The following SERPINB4 variants were observed in gnomAD, a reference collection of about 807,000 sequenced individuals.
SERPINB4 encodes the protein serpin family B member 4, also known as serpin B4.
SERPINB4 carries 39 observed loss-of-function variants against 33.2 expected under a neutral mutation model. The observed-to-expected ratio is 1.18, with a 90% CI of 0.91 to 1.53. The LOEUF is 1.53. SERPINB4 is among the 40% of genes most tolerant of loss of function. SERPINB4 has a pLI of 0.00. For missense variants in SERPINB4, 564 were observed against 455.4 expected, an observed-to-expected ratio of 1.24 and a Z score of -2.17; for synonymous variants, 191 against 166.4, an observed-to-expected ratio of 1.15 and a Z score of -1.14.
intron 7 of SERPINB4, among the ~76,000 whole-genome samples, chr18:63,638,674 C>T (rs1913021097): frequency 3.3e-5 from 5 of 151,668 alleles, no homozygotes; most frequent in Middle Eastern, 6.8e-3. Context: ...ATAATATCAT[C>T]AAATTGATAT....
chr18:63,638,118 T>C lies in SERPINB4; in HGVS notation c.774A>G (p.Glu258=). The part of the protein sequence containing the change: ...PNEIDGLQKL[E]EKLTAEKLME... ...TCAATTTCTCAGCAGTGAGTTTCTC[T>C]TCAAGCTATACAAATGGAAAAAAGA... The change falls in exon 8 of 8, where the codon GAA becomes GAG. Residue 258 remains glutamate, a synonymous_variant. Transcript: ENST00000341074. The C allele has an allele frequency of 6.2e-7, 1 of 1,612,508 alleles. No homozygotes were observed. The highest frequency in any genetic ancestry group is 1.7e-4 in the Middle Eastern group (1 of 6,050).
At chr18:63,639,024 A>G (rs148818579) in intron 7 of SERPINB4, among the ~76,000 whole-genome samples, 161 bp downstream of exon 7, 10 of 152,176 alleles carry the variant, frequency 6.6e-5, no homozygotes, top group African/African-American at 1.4e-4. Context: ...GTCAGGCCCT[A>G]TGCTCAAATA....
chr18:63,637,951 A>G lies in SERPINB4; in HGVS notation c.941T>C (p.Leu314Pro). The change falls in exon 8 of 8, where the codon CTC (leucine) becomes CCC (proline). Residue 314 changes from leucine to proline, a missense_variant. Leu to Pro is a moderately conservative substitution (Grantham distance 98). Coordinates refer to ENST00000341074, the MANE Select transcript of SERPINB4 (RefSeq NM_002974.4). Reference protein sequence around the residue: ...MVNIFNGDADLSGMTWSHGLS... With the variant: ...MVNIFNGDADPSGMTWSHGLS... ...ACCGTGGCTCCAGGTCATGCCTGAG[A>G]GGTCTGCATCCCCATTGAAGATATT... 1 of 1,613,656 alleles carries G rather than the reference A, an allele frequency of 6.2e-7. No individual in the cohort carries two copies. Among genetic ancestry groups the G allele is most frequent in the Non-Finnish European group, 8.5e-7 (1 of 1,179,770 alleles).
rs748719760 is a variant in SERPINB4 at position 63,637,994 on chromosome 18, T to C, written c.898A>G (p.Arg300Gly). The C allele has an allele frequency of 1.9e-6, 3 of 1,613,696 alleles. No homozygotes were observed. The highest frequency in any genetic ancestry group is 2.5e-6 in the Non-Finnish European group (3 of 1,179,782). ...EESYDLKDTL[R>G]TMGMVNIFNG... ...AAGATATTCACCATTCCCATGGTTC[T>C]CAACGTGTCCTTGAGGTCATAGCTC... The change falls in exon 8 of 8, where the codon AGA (arginine) becomes GGA (glycine). Residue 300 changes from arginine (R) to glycine (G), a missense_variant. Physicochemically the swap from Arg to Gly is moderately radical, Grantham distance 125. Transcript: ENST00000341074.
In SERPINB4 at chr18:63,637,636, G is replaced by A; in HGVS notation, c.*83C>T. The A allele has an allele frequency of 1.5e-6, 2 of 1,378,020 alleles. No homozygotes were observed. Among genetic ancestry groups the A allele is most frequent in the African/African-American group, 1.5e-5 (1 of 68,810 alleles). The allele number at this position is 1,378,020 out of a possible 1,614,324, so 85.4% of individuals were successfully genotyped here. A position where few individuals can be genotyped will look rare whatever the true frequency, so the allele number is the denominator to read the frequency against. The stretch of plus-strand genomic sequence containing the variant: ...GAGATAGAAAAGAAATATGAGCCAA[G>A]AGAATCTGTTGTTGCCAGCAATCAG... On this transcript the variant is annotated 3_prime_UTR_variant, in exon 8 of 8. Transcript: ENST00000341074.
At chr18:63,641,323 T>C (rs1020090527) in intron 4 of SERPINB4, among the ~76,000 whole-genome samples, 1 of 152,134 alleles carries the variant, frequency 6.6e-6, no homozygotes, top group Admixed American at 6.6e-5. Flanking sequence ...ATGATGTTTC[T>C]GATCTTTGTT....
chr18:63,641,946 C>T (rs1913148021), intron 3 of SERPINB4, 58 bp from the exon 4 acceptor site: 1 of 1,604,898 alleles, frequency 6.2e-7, no homozygotes, highest in Non-Finnish European at 8.5e-7. Flanking sequence ...ATACTAAACC[C>T]ATGCTAAGTC....
At chr18:63,640,776 A>G in intron 5 of SERPINB4, 98 bp downstream of exon 5, 1 of 1,031,904 alleles carries the variant, frequency 9.7e-7, no homozygotes, top group South Asian at 1.5e-5. Context: ...CTGCAAACCC[A>G]TCTCAATCCC....
chr18:63,641,732 G>A, intron 4 of SERPINB4, 28 bp downstream of exon 4: 1 of 1,612,918 alleles, frequency 6.2e-7, no homozygotes, highest in Non-Finnish European at 8.5e-7. Flanking sequence ...GGATGCAAAT[G>A]AAATGTGGGT....
chr18:63,637,558 A>G lies in SERPINB4; in HGVS notation c.*161T>C. On this transcript the variant is annotated 3_prime_UTR_variant, in exon 8 of 8. Transcript: ENST00000341074. Reference sequence around the variant, plus strand: ...TGGGCTTATTAAGAGAAAGAGAGAAAGGCATGCTATTTTAATCATTAAATT... The same window carrying G: ...TGGGCTTATTAAGAGAAAGAGAGAAGGGCATGCTATTTTAATCATTAAATT... The G allele has an allele frequency of 1.4e-6, 1 of 713,464 alleles. No homozygotes were observed. Among genetic ancestry groups the G allele is most frequent in the Non-Finnish European group, 2.2e-6 (1 of 449,800 alleles). 44.2% of individuals were successfully genotyped at this position (713,464 alleles called of 1,614,324 possible).
At chr18:63,639,407 AG>A in intron 6 of SERPINB4, 67 bp from the exon 7 acceptor site, 1 of 1,428,252 alleles carries the variant, frequency 7.0e-7, no homozygotes, top group South Asian at 1.4e-5. Context: ...AATATTATTG[AG>A]ATAGCAACAC....
intron 4 of SERPINB4, 47 bp from the exon 5 acceptor site, chr18:63,641,038 A>G: frequency 2.1e-6 from 3 of 1,461,108 alleles, no homozygotes; most frequent in Non-Finnish European, 2.9e-6. Flanking sequence ...AATTTATGTA[A>G]CTATATATTA....
rs1912966091 is a variant in SERPINB4, at chr18:63,637,598, T to A, written c.*121A>T. On this transcript the variant is annotated 3_prime_UTR_variant, in exon 8 of 8. Coordinates refer to ENST00000341074, the MANE Select transcript of SERPINB4 (RefSeq NM_002974.4). Reference sequence around the variant, plus strand: ...ATCATTAAATTCTTGATGATGACTATCATCATCAAGATGAGATAGAAAAGA... The same window carrying A: ...ATCATTAAATTCTTGATGATGACTAACATCATCAAGATGAGATAGAAAAGA... 1 of 1,005,016 alleles carries A rather than the reference T, an allele frequency of 1.0e-6. No individual in the cohort carries two copies. The highest frequency in any genetic ancestry group is 1.5e-6 in the Non-Finnish European group (1 of 684,000). 62.3% of individuals were successfully genotyped at this position (1,005,016 alleles called of 1,614,324 possible). A position where few individuals can be genotyped will look rare whatever the true frequency, so the allele number is the denominator to read the frequency against.
At chr18:63,642,494 A>G (rs77762507) in intron 3 of SERPINB4, among the ~76,000 whole-genome samples, 4,406 of 152,072 alleles carry the variant, frequency 0.029, 209 homozygotes, top group African/African-American at 0.1. Context: ...GGGGAAAAAA[A>G]CCCTGTTTAT....
intron 1 of SERPINB4, 122 bp from the exon 2 acceptor site, chr18:63,643,725 CTTATTT>C: frequency 9.0e-7 from 1 of 1,116,390 alleles, no homozygotes; most frequent in Middle Eastern, 2.6e-4. Context: ...AAGTTTTTCT[CTTATTT>C]TTAACGCTTC....
chr18:63,641,643 G>A (rs1913133639), intron 4 of SERPINB4, 117 bp downstream of exon 4: 1 of 1,506,478 alleles, frequency 6.6e-7, no homozygotes, highest in Non-Finnish European at 9.2e-7. Context: ...TGCACTCTGA[G>A]TAAATGCTCT....
intron 3 of SERPINB4, among the ~76,000 whole-genome samples, chr18:63,642,697 A>G (rs984831421): frequency 6.6e-6 from 1 of 152,090 alleles, no homozygotes; most frequent in Non-Finnish European, 1.5e-5. Flanking sequence ...AAATTAAATT[A>G]TTTTCACATT....
At chr18:63,642,740 A>G (rs1913177693) in intron 3 of SERPINB4, among the ~76,000 whole-genome samples, 1 of 152,110 alleles carries the variant, frequency 6.6e-6, no homozygotes, top group Admixed American at 6.6e-5. Context: ...CTACTTTATA[A>G]TAATAATAAC....
In SERPINB4 at chr18:63,637,927, C is replaced by A; in HGVS notation, c.965G>T (p.Gly322Val). The A allele has an allele frequency of 1.9e-6, 3 of 1,613,600 alleles. No individual in the cohort carries two copies. Among genetic ancestry groups the A allele is most frequent in the Non-Finnish European group, 2.5e-6 (3 of 1,179,752 alleles). ...ADLSGMTWSH[G>V]LSVSKVLHKA... is the part of the protein sequence containing the mutation. ...GTGTAGGACTTTAGATACTGAGAGA[C>A]CGTGGCTCCAGGTCATGCCTGAGAG... Residue 322 changes from glycine to valine, a missense_variant, in exon 8 of 8, where the codon GGT (glycine) becomes GTT (valine). Coordinates refer to ENST00000341074, the MANE Select transcript of SERPINB4 (RefSeq NM_002974.4).
Sources: gnomAD v4.1 joint callset for allele counts (sites outside exome capture counted in the v4.1 genomes callset) on GRCh38, gnomAD v4.1.1 for gene constraint, MANE v1.5 for transcripts, NCBI Gene and HGNC (gene_info 2026-07-23, HGNC 2026-07-21) for gene names.